GABRR1: variants seen among roughly 807,000 people sequenced by gnomAD.
GABRR1 encodes gamma-aminobutyric acid type A receptor subunit rho1.
Under a neutral mutation model 55.5 loss-of-function variants are expected in GABRR1, and 59 were observed. The ratio of observed to expected loss-of-function variants is 1.06; its 90% confidence interval spans 0.86 to 1.32. The LOEUF (loss-of-function observed/expected upper bound fraction) is 1.32. Ranked by LOEUF, GABRR1 falls within the 40% of genes most tolerant of loss-of-function variation. The pLI, the probability that GABRR1 is intolerant of heterozygous loss-of-function variation, is 0.00. For synonymous variants in GABRR1, 213 were observed against 226.0 expected, an observed-to-expected ratio of 0.94 and a Z score of 0.51; for missense variants, 602 against 619.1, an observed-to-expected ratio of 0.97 and a Z score of 0.29.
intron 5 of GABRR1, among the ~76,000 whole-genome samples, chr6:89,194,506 C>T (rs1239508008): frequency 1.3e-5 from 2 of 152,124 alleles, no homozygotes; most frequent in African/African-American, 4.8e-5. Flanking sequence ...CAAGAAACAA[C>T]AGCAAACAGG....
chr6:89,197,949 A>C lies in GABRR1; in HGVS notation c.572+71T>G, dbSNP rs566948105. 3 of 1,421,906 alleles carry C rather than the reference A, an allele frequency of 2.1e-6. No individual in the cohort carries two copies. In the South Asian group the frequency reaches 3.5e-5, roughly 16 times the overall value. 88.1% of individuals were successfully genotyped at this position (1,421,906 alleles called of 1,614,324 possible). ...AGTTAGAAAGTAGACATTCAGAGCC[A>C]AAAACCCAAATTGCTGTTGTGAAAC... On this transcript the variant is annotated intron_variant, in intron 5 of 9. Transcript: ENST00000454853.
At chr6:89,192,180 T>C (rs1027747873) in intron 5 of GABRR1, among the ~76,000 whole-genome samples, 1 of 152,114 alleles carries the variant, frequency 6.6e-6, no homozygotes, top group Non-Finnish European at 1.5e-5. Context: ...GCTTCCTGCT[T>C]TCTGGGCCTG....
intron 2 of GABRR1, 31 bp from the exon 3 acceptor site, chr6:89,201,296 T>A: frequency 7.0e-7 from 1 of 1,436,434 alleles, no homozygotes; most frequent in East Asian, 2.3e-5. Flanking sequence ...AGGCTGATCA[T>A]ATATTCCAAC....
intron 1 of GABRR1, among the ~76,000 whole-genome samples, chr6:89,223,764 T>TG (rs1773150585): frequency 6.7e-6 from 1 of 149,436 alleles, no homozygotes; most frequent in South Asian, 2.1e-4. Context: ...TATTGCATTG[T>TG]GGGTTTTTTT....
chr6:89,183,915 T>G (rs1350131573), intron 7 of GABRR1, among the ~76,000 whole-genome samples: 4 of 152,050 alleles, frequency 2.6e-5, no homozygotes, highest in Admixed American at 1.3e-4. Flanking sequence ...TTGGGTACAA[T>G]GTACACCACT....
intron 1 of GABRR1, among the ~76,000 whole-genome samples, chr6:89,204,304 G>T (rs549638804): frequency 6.6e-6 from 1 of 152,338 alleles, no homozygotes; most frequent in East Asian, 1.9e-4. Flanking sequence ...GTAGAAAATG[G>T]AGCAGAGACA....
chr6:89,178,650 G>A lies in GABRR1; in HGVS notation c.*120C>T. On this transcript the variant is annotated 3_prime_UTR_variant, in exon 10 of 10. Transcript: ENST00000454853. The stretch of plus-strand genomic sequence containing the variant: ...GCTTTGGAAAGCTGCAGAAGGGATA[G>A]TGAAAACATGGGTGGGTCCTGGGAT... 1.2e-6 allele frequency: 1 copy of A among 805,890 alleles called. No homozygotes were observed. Among genetic ancestry groups the A allele is most frequent in the Non-Finnish European group, 1.9e-6 (1 of 515,834 alleles). 49.9% of individuals were successfully genotyped at this position (805,890 alleles called of 1,614,324 possible). A position where few individuals can be genotyped will look rare whatever the true frequency, so the allele number is the denominator to read the frequency against.
rs779365894 is a variant in GABRR1, at chr6:89,178,927, G to A, written c.1283C>T (p.Thr428Ile). Reference sequence around the variant, plus strand: ...TGGGGAGCTCCTCTCTGAGGCCAGGGTCAGCTGCACCATCATCCTGTCGGG... The same window carrying A: ...TGGGGAGCTCCTCTCTGAGGCCAGGATCAGCTGCACCATCATCCTGTCGGG... ...EKPDRMMVQL[T>I]LASERSSPQR... Residue 428 changes from threonine to isoleucine, a missense_variant, in exon 10 of 10, where the codon ACC (threonine) becomes ATC (isoleucine). Physicochemically the swap from Thr to Ile is moderately conservative, Grantham distance 89. Transcript: ENST00000454853. The A allele has an allele frequency of 5.6e-6, 9 of 1,614,148 alleles. No individual in the cohort carries two copies. Among genetic ancestry groups the A allele is most frequent in the Non-Finnish European group, 7.6e-6 (9 of 1,180,020 alleles).
chr6:89,200,405 C>G (rs771671868), intron 3 of GABRR1, among the ~76,000 whole-genome samples: 3 of 151,872 alleles, frequency 2.0e-5, no homozygotes, highest in Non-Finnish European at 4.4e-5. Flanking sequence ...CACACCACCA[C>G]AGCTGGCTAA....
At position 89,178,951 on chromosome 6, in the gene GABRR1, G is replaced by T. The variant is rs1423666171; in HGVS notation, c.1259C>A (p.Pro420His). The T allele has an allele frequency of 1.2e-6, 2 of 1,614,088 alleles. No homozygotes were observed. Among genetic ancestry groups the T allele is most frequent in the Non-Finnish European group, 8.5e-7 (1 of 1,180,002 alleles). The change falls in exon 10 of 10, where the codon CCC becomes CAC. Residue 420 changes from proline (P) to histidine (H), a missense_variant. Physicochemically the swap from Pro to His is moderately conservative, Grantham distance 77. Coordinates refer to ENST00000454853, the MANE Select transcript of GABRR1 (RefSeq NM_002042.5). ...DNYMPENGEK[P>H]DRMMVQLTLA... ...GGTCAGCTGCACCATCATCCTGTCG[G>T]GCTTCTCTCCATTCTCTGGCATGTA... is the stretch of plus-strand genomic sequence containing the variant.
At chr6:89,186,602 A>G in intron 6 of GABRR1, among the ~76,000 whole-genome samples, 1 of 152,242 alleles carries the variant, frequency 6.6e-6, no homozygotes, top group East Asian at 1.9e-4. Flanking sequence ...GCCATGACTG[A>G]TACAACCTGA....
At chr6:89,227,134 GA>G (rs1329652036) in intron 1 of GABRR1, among the ~76,000 whole-genome samples, 2 of 113,014 alleles carry the variant, frequency 1.8e-5, no homozygotes, top group Non-Finnish European at 3.7e-5. Context: ...AGACTTTGCT[GA>G]AGTTGCTTAT....
intron 4 of GABRR1, among the ~76,000 whole-genome samples, chr6:89,198,945 C>G (rs1483271712): frequency 6.6e-6 from 1 of 151,500 alleles, no homozygotes; most frequent in Non-Finnish European, 1.5e-5. Flanking sequence ...GAGAATGTTG[C>G]ACTTTTTATC....
At chr6:89,206,797 T>A (rs899564853) in intron 1 of GABRR1, among the ~76,000 whole-genome samples, 1 of 136,206 alleles carries the variant, frequency 7.3e-6, no homozygotes, top group African/African-American at 2.9e-5. Flanking sequence ...AAAAAAAAAA[T>A]TGTAGTGAAG....
At chr6:89,183,293 T>A (rs1340632904) in intron 7 of GABRR1, among the ~76,000 whole-genome samples, 1 of 152,168 alleles carries the variant, frequency 6.6e-6, no homozygotes, top group African/African-American at 2.4e-5. Context: ...TGCCTCTGGT[T>A]ACCAGCAAGC....
intron 6 of GABRR1, among the ~76,000 whole-genome samples, chr6:89,187,794 C>A (rs7751321): frequency 2.0e-5 from 3 of 152,278 alleles, no homozygotes; most frequent in Middle Eastern, 3.4e-3. Context: ...TAGCATGTAT[C>A]GGAAATCCTT....
In GABRR1 at chr6:89,181,842, G is replaced by A. The variant is rs868584040; in HGVS notation, c.949+63C>T. The A allele has an allele frequency of 1.2e-5, 17 of 1,437,352 alleles. No individual in the cohort carries two copies. In the Middle Eastern group the frequency reaches 2.4e-3, roughly 200 times the overall value. The allele number at this position is 1,437,352 out of a possible 1,614,324, so 89.0% of individuals were successfully genotyped here. On this transcript the variant is annotated intron_variant, in intron 8 of 9. Transcript: ENST00000454853. Reference sequence around the variant, plus strand: ...CAATTTGAAAAGAATGGTTTTATCTGGAAGGAATTGTTAATACCTATATTT... The same window carrying A: ...CAATTTGAAAAGAATGGTTTTATCTAGAAGGAATTGTTAATACCTATATTT...
At chr6:89,212,765 C>A (rs1220658009) in intron 1 of GABRR1, among the ~76,000 whole-genome samples, 1 of 152,088 alleles carries the variant, frequency 6.6e-6, no homozygotes. Flanking sequence ...ACATCCCAGG[C>A]TCAAGCCATT....
In GABRR1 at chr6:89,203,481, G is replaced by A; in HGVS notation, c.127C>T (p.Gln43Ter). Residue 43 changes from glutamine to a stop codon, truncating the protein, a stop_gained, in exon 2 of 10, where the codon CAA (glutamine) becomes TAA (stop). Transcript: ENST00000454853. LOFTEE classifies it high-confidence loss of function. The part of the protein sequence containing the change: ...VHEMSKKGRP[Q>*]RQRREVHEDA... Reference sequence around the variant, plus strand: ...TCATGTACTTCTCGTCTTTGTCTTTGGGGCCTACCATGAACATTAAAAATA... The same window carrying A: ...TCATGTACTTCTCGTCTTTGTCTTTAGGGCCTACCATGAACATTAAAAATA... 1 of 1,611,990 alleles carries A rather than the reference G, an allele frequency of 6.2e-7. No individual in the cohort carries two copies. Among genetic ancestry groups the A allele is most frequent in the Non-Finnish European group, 8.5e-7 (1 of 1,178,118 alleles).
Sources: gnomAD v4.1 joint callset for allele counts (sites outside exome capture counted in the v4.1 genomes callset) on GRCh38, gnomAD v4.1.1 for gene constraint, MANE v1.5 for transcripts, NCBI Gene and HGNC (gene_info 2026-07-23, HGNC 2026-07-21) for gene names.